The following CACNA1I variants were observed in gnomAD, a reference collection of about 807,000 sequenced individuals.
CACNA1I encodes the protein calcium voltage-gated channel subunit alpha1 I, also known as voltage-dependent T-type calcium channel subunit alpha-1I.
In CACNA1I, 74 loss-of-function variants were observed where a neutral mutation model predicts 201.6. That is an observed-to-expected ratio of 0.37 (90% CI 0.30 to 0.45). The LOEUF (loss-of-function observed/expected upper bound fraction) is 0.45. CACNA1I is among the 20% of genes least tolerant of loss of function. The pLI is 1.00. For synonymous variants in CACNA1I, 1,431 were observed against 1,345.2 expected (o/e 1.06, Z -1.40); for missense variants, 2,346 against 3,138.1 (o/e 0.75, Z 6.03).
At chr22:39,680,052 G>A (rs1935655597) in intron 33 of CACNA1I, among the ~76,000 whole-genome samples, 184 bp downstream of exon 33, 1 of 152,190 alleles carries the variant, frequency 6.6e-6, no homozygotes, top group Non-Finnish European at 1.5e-5. Flanking sequence ...GTGGGCCTGT[G>A]GTGTGGTGGC....
In CACNA1I at chr22:39,659,429, C is replaced by G. The variant is rs998852276; in HGVS notation, c.2331-4C>G. On this transcript the variant is annotated splice_region_variant and splice_polypyrimidine_tract_variant and intron_variant, in intron 12 of 36. Transcript: ENST00000402142. The surrounding 1 kb of genome is among the most constrained non-coding windows in gnomAD (Gnocchi z 4.3). The stretch of plus-strand genomic sequence containing the variant: ...CCGATGAGCCTCTTCCATCCTTTCC[C>G]CAGCATCCTTGGGATGCATATTTTT... 1.3e-6 allele frequency: 2 copies of G among 1,538,184 alleles called. No homozygotes were observed. Among genetic ancestry groups the G allele is most frequent in the Non-Finnish European group, 1.8e-6 (2 of 1,133,108 alleles).
intron 7 of CACNA1I, among the ~76,000 whole-genome samples, chr22:39,644,333 G>A (rs571783889): frequency 6.6e-6 from 1 of 152,318 alleles, no homozygotes; most frequent in South Asian, 2.1e-4. Context: ...GTGAAATGGG[G>A]GACAGTGACA....
At chr22:39,584,445 C>T (rs1021349575) in intron 1 of CACNA1I, among the ~76,000 whole-genome samples, 1 of 152,118 alleles carries the variant, frequency 6.6e-6, no homozygotes, top group African/African-American at 2.4e-5. Flanking sequence ...ATCTGGGAGG[C>T]CTGGTGCTCA....
chr22:39,617,182 A>T (rs1194762175), intron 3 of CACNA1I, among the ~76,000 whole-genome samples: 1 of 152,228 alleles, frequency 6.6e-6, no homozygotes, highest in East Asian at 1.9e-4. Context: ...CTGTCTACCC[A>T]TCCATCTTTC....
At chr22:39,669,628 A>C (rs1935304728) in intron 24 of CACNA1I, among the ~76,000 whole-genome samples, 1 of 150,334 alleles carries the variant, frequency 6.7e-6, no homozygotes, top group Non-Finnish European at 1.5e-5. Context: ...GGGTGGATGC[A>C]TAGATGGGTG....
At chr22:39,637,245 G>A (rs1425525842) in intron 5 of CACNA1I, among the ~76,000 whole-genome samples, 1 of 152,200 alleles carries the variant, frequency 6.6e-6, no homozygotes, top group Admixed American at 6.5e-5. Flanking sequence ...TGGAAGCCCA[G>A]AGCGGGTACA....
chr22:39,620,118 CCCATCCACCTGTCCAT>C (rs1933692454), intron 4 of CACNA1I, among the ~76,000 whole-genome samples: 1 of 126,064 alleles, frequency 7.9e-6, no homozygotes, highest in African/African-American at 3.1e-5. Flanking sequence ...TACCTGTCCA[CCCATCCACCTGTCCAT>C]CCATCCACCC....
At chr22:39,632,105 C>T (rs1420641409) in intron 4 of CACNA1I, among the ~76,000 whole-genome samples, 1 of 152,080 alleles carries the variant, frequency 6.6e-6, no homozygotes, top group Non-Finnish European at 1.5e-5. Context: ...TCCCAGAGAA[C>T]AAGGGAGATG....
rs1385956892 is a variant in CACNA1I, at chr22:39,686,257, C to G, written c.6524C>G (p.Ala2175Gly). 15 of 1,286,540 alleles carry G rather than the reference C, an allele frequency of 1.2e-5. No individual in the cohort carries two copies. The highest frequency in any genetic ancestry group is 1.5e-5 in the Non-Finnish European group (15 of 1,016,142). The allele number at this position is 1,286,540 out of a possible 1,614,324, so 79.7% of individuals were successfully genotyped here. Residue 2175 changes from alanine to glycine, a missense_variant, in exon 37 of 37, where the codon GCC becomes GGC. Coordinates refer to ENST00000402142, the MANE Select transcript of CACNA1I (RefSeq NM_021096.4). ...GCCGCCGCCCTGGCCCACGGCCTGG[C>G]CCGGAGCCCCTCGTGGGCCGCGGAC... ...PHAAALAHGL[A>G]RSPSWAADRS...
Position 39,672,205 on chromosome 22 carries a change from G to A in CACNA1I, c.4546G>A (p.Glu1516Lys). Reference protein sequence around the residue: ...LEHYNQPTSLETALKYCNYMF... With the variant: ...LEHYNQPTSLKTALKYCNYMF... ...TCTCTTTGTTCCTCCATAGTCCCTG[G>A]AGACAGCCCTCAAGTACTGCAACTA... Residue 1516 changes from glutamate to lysine, a missense_variant, in exon 27 of 37, where the codon GAG (glutamate) becomes AAG (lysine). Glu to Lys is a moderately conservative substitution (Grantham distance 56). Around this residue, in one of 13 missense-constraint regions of CACNA1I, gnomAD observed 228 missense variants for 395.7 expected, o/e 0.58. Transcript: ENST00000402142. 3 of 1,609,950 alleles carry A rather than the reference G, an allele frequency of 1.9e-6. No individual in the cohort carries two copies. The highest frequency in any genetic ancestry group is 2.6e-6 in the Non-Finnish European group (3 of 1,176,302).
chr22:39,650,092 C>T (rs1027377112), intron 10 of CACNA1I, among the ~76,000 whole-genome samples, 167 bp downstream of exon 10: 1 of 151,906 alleles, frequency 6.6e-6, no homozygotes, highest in Admixed American at 6.6e-5. Context: ...ACTGCCCAGC[C>T]AGGGCCGAGC....
chr22:39,595,625 CA>C (rs132586), intron 1 of CACNA1I, among the ~76,000 whole-genome samples: 128,334 of 145,156 alleles, frequency 0.88, 56,695 homozygotes, highest in African/African-American at 0.92. Context: ...AACTCCATCT[CA>C]AAAAAAAAAA....
intron 10 of CACNA1I, among the ~76,000 whole-genome samples, chr22:39,650,894 T>C (rs888745088): frequency 3.3e-5 from 5 of 151,520 alleles, no homozygotes; most frequent in African/African-American, 1.2e-4. Flanking sequence ...GGAGGATGTG[T>C]GTGTGAGGAG....
At chr22:39,654,566 TA>T (rs1345127217) in intron 10 of CACNA1I, among the ~76,000 whole-genome samples, 1 of 152,180 alleles carries the variant, frequency 6.6e-6, no homozygotes, top group African/African-American at 2.4e-5. Flanking sequence ...AGCAGCCCCT[TA>T]CGTGTCAAGT....
At position 39,684,812 on chromosome 22, in the gene CACNA1I, T is replaced by G. The variant is rs1935809986; in HGVS notation, c.6027+314T>G. 1.9e-6 allele frequency: 1 copy of G among 534,768 alleles called. No individual in the cohort carries two copies. Among genetic ancestry groups the G allele is most frequent in the African/African-American group, 1.9e-5 (1 of 52,280 alleles). 33.1% of individuals were successfully genotyped at this position (534,768 alleles called of 1,614,324 possible). On this transcript the variant is annotated intron_variant, in intron 36 of 36. Transcript: ENST00000402142. This position sits in a 1 kb window ranked among gnomAD's most constrained non-coding sequence, Gnocchi z 4.6. ...AGAGGAGGAGGAGTACTGGAGGTTT[T>G]GCAGGGTGGCGGGGTGCTGGCAGTG...
chr22:39,649,367 G>A lies in CACNA1I; in HGVS notation c.1568-134G>A, dbSNP rs983979100. Reference sequence around the variant, plus strand: ...GCCGCTTCCCCAGGCACCCCTGACCGCCTTTCCAGGCTGGGTCGGCTGGTT... The same window carrying A: ...GCCGCTTCCCCAGGCACCCCTGACCACCTTTCCAGGCTGGGTCGGCTGGTT... On this transcript the variant is annotated intron_variant, in intron 9 of 36. Coordinates refer to ENST00000402142, the MANE Select transcript of CACNA1I (RefSeq NM_021096.4). The surrounding 1 kb of genome is among the most constrained non-coding windows in gnomAD (Gnocchi z 7.3). The A allele has an allele frequency of 2.5e-5, 23 of 907,562 alleles. 1 individual carries two copies. The Middle Eastern group carries it at 1.0e-3, about 40-fold the overall frequency. 56.2% of individuals were successfully genotyped at this position (907,562 alleles called of 1,614,324 possible). A position where few individuals can be genotyped will look rare whatever the true frequency, so the allele number is the denominator to read the frequency against.
chr22:39,674,631 T>C (rs1443112376), intron 29 of CACNA1I, among the ~76,000 whole-genome samples: 1 of 152,110 alleles, frequency 6.6e-6, no homozygotes, highest in Non-Finnish European at 1.5e-5. Context: ...ATCTTTTTCA[T>C]CCTCCCGAGA....
In CACNA1I at chr22:39,686,377, G is replaced by T; in HGVS notation, c.6644G>T (p.Gly2215Val). 1 of 1,300,914 alleles carries T rather than the reference G, an allele frequency of 7.7e-7. No homozygotes were observed. The allele number at this position is 1,300,914 out of a possible 1,614,324, so 80.6% of individuals were successfully genotyped here. A position where few individuals can be genotyped will look rare whatever the true frequency, so the allele number is the denominator to read the frequency against. ...PQPLPGELEP[G>V]DAASKRKR ...CCGCTCCCCGGAGAGCTGGAGCCGG[G>T]AGACGCCGCCAGCAAGAGGAAGAGA... is the stretch of plus-strand genomic sequence containing the variant. The change falls in exon 37 of 37, where the codon GGA (glycine) becomes GTA (valine). Residue 2215 changes from glycine to valine, a missense_variant. By Grantham distance (109) the Gly-to-Val change is moderately radical. This residue lies in a region of CACNA1I where 187 missense variants were observed against 151.0 expected (regional missense o/e 1.24). Transcript: ENST00000402142.
chr22:39,618,847 T>C (rs894124225), intron 3 of CACNA1I, among the ~76,000 whole-genome samples: 1 of 152,092 alleles, frequency 6.6e-6, no homozygotes, highest in African/African-American at 2.4e-5. Context: ...GAGGGAGATC[T>C]GGGAAGACTT....
Sources: gnomAD v4.1 joint callset for allele counts (sites outside exome capture counted in the v4.1 genomes callset) on GRCh38, gnomAD v4.1.1 for gene constraint, gnomAD v4.1.1 regional missense constraint, Gnocchi (gnomAD v3.1) non-coding constraint, MANE v1.5 for transcripts, NCBI Gene and HGNC (gene_info 2026-07-23, HGNC 2026-07-21) for gene names.